Variants in LRMDA observed in about 807,000 individuals in gnomAD.
The protein encoded by LRMDA is leucine-rich melanocyte differentiation-associated protein.
In LRMDA, 18 loss-of-function variants were observed where a neutral mutation model predicts 29.8. That is an observed-to-expected ratio of 0.60 (90% CI 0.42 to 0.90). The LOEUF (loss-of-function observed/expected upper bound fraction) is 0.90. LRMDA is among the 40% of genes least tolerant of loss of function. LRMDA has a pLI of 0.00. For missense variants in LRMDA, 273 were observed against 273.9 expected (o/e 1.00, Z 0.02); for synonymous variants, 125 against 109.4 (o/e 1.14, Z -0.89).
intron 2 of LRMDA, among the ~76,000 whole-genome samples, chr10:75,993,952 A>G (rs768224525): frequency 1.4e-4 from 22 of 152,078 alleles, no homozygotes; most frequent in Non-Finnish European, 2.6e-4. Context: ...GAGAGGGAAA[A>G]TCCTGATGGA....
chr10:76,525,375 T>A (rs1225543022), intron 6 of LRMDA, among the ~76,000 whole-genome samples: 1 of 152,188 alleles, frequency 6.6e-6, no homozygotes, highest in Admixed American at 6.6e-5. Context: ...TTAACCATGA[T>A]GACATCTCAC....
At chr10:76,416,647 G>T (rs1008472820) in intron 6 of LRMDA, among the ~76,000 whole-genome samples, 4 of 152,220 alleles carry the variant, frequency 2.6e-5, no homozygotes, top group Non-Finnish European at 4.4e-5. Context: ...ATTTTGACAT[G>T]TAACTTCTAA....
intron 2 of LRMDA, among the ~76,000 whole-genome samples, chr10:75,489,205 T>C (rs1844953490): frequency 7.4e-6 from 1 of 135,944 alleles, no homozygotes; most frequent in Admixed American, 7.9e-5. Context: ...CAAAACTATG[T>C]CAACCCCCTT....
At chr10:75,592,196 G>T (rs1390151581) in intron 2 of LRMDA, among the ~76,000 whole-genome samples, 1 of 152,136 alleles carries the variant, frequency 6.6e-6, no homozygotes, top group East Asian at 1.9e-4. Context: ...GGAGTGGTGA[G>T]AGCCGGGGCC....
intron 2 of LRMDA, among the ~76,000 whole-genome samples, chr10:75,919,865 T>A (rs1485693648): frequency 6.6e-6 from 1 of 152,300 alleles, no homozygotes; most frequent in Admixed American, 6.5e-5. Flanking sequence ...GGCCTTCTGA[T>A]GCTTCTCTGA....
chr10:75,516,456 G>A (rs973997810), intron 2 of LRMDA, among the ~76,000 whole-genome samples: 3 of 152,190 alleles, frequency 2.0e-5, no homozygotes, highest in Non-Finnish European at 4.4e-5. Context: ...GATGACTAGT[G>A]ATGATGAGCA....
At chr10:76,411,123 G>A (rs778087027) in intron 6 of LRMDA, among the ~76,000 whole-genome samples, 2 of 152,174 alleles carry the variant, frequency 1.3e-5, no homozygotes, top group African/African-American at 2.4e-5. Context: ...TTTATGCATA[G>A]CTATCTTGAG....
chr10:76,003,784 C>CCTGGAATATCA (rs1163691305), intron 2 of LRMDA, among the ~76,000 whole-genome samples: 2 of 152,124 alleles, frequency 1.3e-5, no homozygotes, highest in African/African-American at 4.8e-5. Context: ...CATTGGAATG[C>CCTGGAATATCA]CTGGAATATC....
At chr10:76,253,405 A>G (rs757200615) in intron 5 of LRMDA, among the ~76,000 whole-genome samples, 59 of 152,224 alleles carry the variant, frequency 3.9e-4, no homozygotes, top group Non-Finnish European at 7.3e-4. Context: ...TATTGAAATC[A>G]ATTTATAATG....
At chr10:75,452,593 T>TTTA (rs10670907) in intron 2 of LRMDA, among the ~76,000 whole-genome samples, 3 of 150,622 alleles carry the variant, frequency 2.0e-5, no homozygotes, top group African/African-American at 7.3e-5. Context: ...TTTTTTTTTT[T>TTTA]AATGTATCCA....
chr10:76,114,469 A>G (rs1192910327), intron 5 of LRMDA, among the ~76,000 whole-genome samples: 1 of 152,172 alleles, frequency 6.6e-6, no homozygotes, highest in African/African-American at 2.4e-5. Context: ...GGAAGTGAAA[A>G]AGGGCCCATC....
At chr10:76,294,138 C>T (rs750634963) in intron 5 of LRMDA, among the ~76,000 whole-genome samples, 5 of 152,176 alleles carry the variant, frequency 3.3e-5, no homozygotes, top group Admixed American at 6.5e-5. Flanking sequence ...GCGGAAAATA[C>T]GTTCTAAACT....
At position 76,336,560 on chromosome 10, in the gene LRMDA, A is replaced by G. The variant is rs539898099; in HGVS notation, c.601+12075A>G. ...TGCTGTTCCAGGGCAAATGTTTCTC[A>G]ACTAAATGACAAGAGGGGGTGGGGA... On this transcript the variant is annotated intron_variant, in intron 6 of 6. Coordinates refer to ENST00000611255, the MANE Select transcript of LRMDA (RefSeq NM_001305581.2). Among the ~76,000 whole-genome samples the G allele has an allele frequency of 2.3e-4, 35 of 152,268 alleles. 1 individual carries two copies. The South Asian group carries it at 3.1e-3, about 14-fold the overall frequency.
intron 5 of LRMDA, among the ~76,000 whole-genome samples, chr10:76,172,351 G>A (rs1850854625): frequency 6.6e-6 from 1 of 152,160 alleles, no homozygotes; most frequent in Admixed American, 6.5e-5. Context: ...AGAACAAACA[G>A]GGTGAGCCCT....
intron 5 of LRMDA, among the ~76,000 whole-genome samples, chr10:76,067,227 T>C (rs1381817647): frequency 1.3e-5 from 2 of 152,196 alleles, no homozygotes; most frequent in East Asian, 3.9e-4. Context: ...GTATTCACTG[T>C]CTCGTTTTAA....
At chr10:76,542,030 C>T (rs1564571462) in intron 6 of LRMDA, among the ~76,000 whole-genome samples, 1 of 148,434 alleles carries the variant, frequency 6.7e-6, no homozygotes, top group African/African-American at 2.6e-5. Context: ...TGCATGTATA[C>T]ATGCATGCAT....
intron 2 of LRMDA, among the ~76,000 whole-genome samples, chr10:75,671,803 C>T (rs577731240): frequency 6.6e-6 from 1 of 152,200 alleles, no homozygotes; most frequent in African/African-American, 2.4e-5. Context: ...TAAAAAAACC[C>T]CTAAGCCCGT....
chr10:76,285,940 C>T (rs1840265630), intron 5 of LRMDA, among the ~76,000 whole-genome samples: 1 of 152,148 alleles, frequency 6.6e-6, no homozygotes, highest in Non-Finnish European at 1.5e-5. Flanking sequence ...TAATTCAGCT[C>T]AAATAAGCAT....
chr10:76,366,434 G>A (rs1207992155), intron 6 of LRMDA, among the ~76,000 whole-genome samples: 1 of 152,136 alleles, frequency 6.6e-6, no homozygotes, highest in East Asian at 1.9e-4. Context: ...TCTTTCAGCA[G>A]TGTTTTGTAG....
Sources: allele counts gnomAD v4.1 joint callset (sites outside exome capture counted in the v4.1 genomes callset), GRCh38; gene constraint gnomAD v4.1.1; transcripts MANE v1.5; gene names NCBI Gene and HGNC (gene_info 2026-07-23, HGNC 2026-07-21).